The following SBF2 variants were observed in gnomAD, a reference collection of about 807,000 sequenced individuals.
SBF2 encodes the protein myotubularin-related protein 13.
Under a neutral mutation model 225.2 loss-of-function variants are expected in SBF2, and 112 were observed. The ratio of observed to expected loss-of-function variants is 0.50; its 90% confidence interval spans 0.43 to 0.58. The LOEUF (loss-of-function observed/expected upper bound fraction) is 0.58, where lower values mean the gene tolerates loss of function less well. SBF2 is among the 20% of genes least tolerant of loss of function. The pLI is 0.00. For missense variants in SBF2, 1,996 were observed against 2,206.2 expected, an observed-to-expected ratio of 0.90 and a Z score of 1.91; for synonymous variants, 763 against 773.3, an observed-to-expected ratio of 0.99 and a Z score of 0.22.
chr11:9,891,176 G>T (rs908587042), intron 17 of SBF2, among the ~76,000 whole-genome samples: 1 of 151,962 alleles, frequency 6.6e-6, no homozygotes, highest in African/African-American at 2.4e-5. Context: ...GTGGTGAAGG[G>T]GCCATGACTT....
intron 13 of SBF2, among the ~76,000 whole-genome samples, chr11:9,974,269 T>C (rs1946577798): frequency 6.6e-6 from 1 of 152,178 alleles, no homozygotes; most frequent in South Asian, 2.1e-4. Flanking sequence ...TATGCACTAA[T>C]TGACATTTGG....
In SBF2 at chr11:10,002,537, T is replaced by C. The variant is rs749999630; in HGVS notation, c.752+20A>G. 3.8e-6 allele frequency: 6 copies of C among 1,585,432 alleles called. No individual in the cohort carries two copies. The highest frequency in any genetic ancestry group is 3.3e-5 in the Admixed American group (2 of 59,712). ...ATATGTAGTTTAGGAATAAATAAAA[T>C]TAACAAATGAAAACCTCACCTATAT... is the stretch of plus-strand genomic sequence containing the variant. On this transcript the variant is annotated intron_variant, in intron 7 of 39. Transcript: ENST00000256190.
chr11:10,002,708 G>A lies in SBF2; in HGVS notation c.620-19C>T. Reference sequence around the variant, plus strand: ...TGAATTCCTGAAAACATAAGAGCAAGGACTTACAAATGCATTTAATTTTAT... The same window carrying A: ...TGAATTCCTGAAAACATAAGAGCAAAGACTTACAAATGCATTTAATTTTAT... On this transcript the variant is annotated intron_variant, in intron 6 of 39. Coordinates refer to ENST00000256190, the MANE Select transcript of SBF2 (RefSeq NM_030962.4). 2 of 1,610,926 alleles carry A rather than the reference G, an allele frequency of 1.2e-6. No individual in the cohort carries two copies. Among genetic ancestry groups the A allele is most frequent in the Admixed American group, 1.7e-5 (1 of 59,998 alleles).
chr11:9,844,723 T>C (rs994000349), intron 24 of SBF2, among the ~76,000 whole-genome samples: 5 of 152,086 alleles, frequency 3.3e-5, no homozygotes, highest in African/African-American at 1.2e-4. Context: ...CTGGCTTTGA[T>C]TACTGTGCTT....
intron 2 of SBF2, among the ~76,000 whole-genome samples, chr11:10,186,779 C>A (rs1268596066): frequency 6.6e-6 from 1 of 152,190 alleles, no homozygotes; most frequent in African/African-American, 2.4e-5. Flanking sequence ...GGCCTCTCAA[C>A]CCAAGAGCCA....
chr11:10,044,963 G>C (rs1949795500), intron 2 of SBF2, among the ~76,000 whole-genome samples: 1 of 152,136 alleles, frequency 6.6e-6, no homozygotes, highest in South Asian at 2.1e-4. Context: ...ACAACCACTA[G>C]ACTGGGAAGC....
chr11:9,918,544 T>A (rs1341301848), intron 16 of SBF2, among the ~76,000 whole-genome samples: 1 of 151,858 alleles, frequency 6.6e-6, no homozygotes, highest in Non-Finnish European at 1.5e-5. Flanking sequence ...GTATTTTATT[T>A]ATTTTTTTGC....
At chr11:10,146,435 A>C (rs1278822086) in intron 2 of SBF2, among the ~76,000 whole-genome samples, 1 of 151,878 alleles carries the variant, frequency 6.6e-6, no homozygotes, top group Non-Finnish European at 1.5e-5. Flanking sequence ...ACAATCATCC[A>C]ATCTTGAACA....
chr11:9,963,858 G>T lies in SBF2; in HGVS notation c.1625C>A (p.Thr542Lys). 2 of 1,604,360 alleles carry T rather than the reference G, an allele frequency of 1.2e-6. No individual in the cohort carries two copies. Among genetic ancestry groups the T allele is most frequent in the African/African-American group, 2.7e-5 (2 of 74,840 alleles). ...TAGTCTTTGTGCACTGTTGAAAACT[G>T]TCGTCACCTTGTCCATTATCGAAAC... ...PVVSIMDKVT[T>K]VFNSAQRLEV... Residue 542 changes from threonine (T) to lysine (K), a missense_variant, in exon 15 of 40, where the codon ACA (threonine) becomes AAA (lysine). Transcript: ENST00000256190.
intron 19 of SBF2, 71 bp from the exon 20 acceptor site, chr11:9,853,783 T>TTG: frequency 2.2e-6 from 3 of 1,377,724 alleles, no homozygotes; most frequent in Non-Finnish European, 3.1e-6. Flanking sequence ...TAGTAGTCAA[T>TTG]TTACATAGCG....
intron 1 of SBF2, among the ~76,000 whole-genome samples, chr11:10,196,270 T>C (rs1043794686): frequency 1.3e-5 from 2 of 152,236 alleles, no homozygotes; most frequent in Non-Finnish European, 2.9e-5. Context: ...CCTCCCTTCT[T>C]TTTAAAGAGA....
At chr11:10,287,664 T>G (rs1243009214) in intron 1 of SBF2, among the ~76,000 whole-genome samples, 1 of 152,240 alleles carries the variant, frequency 6.6e-6, no homozygotes, top group African/African-American at 2.4e-5. Flanking sequence ...AGAGTAAATT[T>G]TATTGCATGT....
intron 1 of SBF2, among the ~76,000 whole-genome samples, chr11:10,218,875 TC>T (rs1026111150): frequency 6.6e-6 from 1 of 152,222 alleles, no homozygotes; most frequent in African/African-American, 2.4e-5. Flanking sequence ...AGAGGTGGGC[TC>T]CCACAGCCCT....
intron 1 of SBF2, among the ~76,000 whole-genome samples, chr11:10,206,871 CCA>C (rs1957770042): frequency 6.6e-6 from 1 of 151,918 alleles, no homozygotes; most frequent in Admixed American, 6.6e-5. Context: ...AACAAAAGAT[CCA>C]CTATTCATAT....
Position 10,272,259 on chromosome 11 carries a change from T to G in SBF2, c.55+21756A>C. ...GCGCTCGCGCTAGCCCCGGAGGACATGGCGGCGGCGCTGGGCTCCTAGGGG... is the reference window on the plus strand; with the variant it reads ...GCGCTCGCGCTAGCCCCGGAGGACAGGGCGGCGGCGCTGGGCTCCTAGGGG... On this transcript the variant is annotated intron_variant, in intron 1 of 39. Transcript: ENST00000256190. 2 of 1,036,288 alleles carry G rather than the reference T, an allele frequency of 1.9e-6. 1 individual carries two copies. Among genetic ancestry groups the G allele is most frequent in the Non-Finnish European group, 2.6e-6 (2 of 760,902 alleles). The allele number at this position is 1,036,288 out of a possible 1,614,324, so 64.2% of individuals were successfully genotyped here. A position where few individuals can be genotyped will look rare whatever the true frequency, so the allele number is the denominator to read the frequency against.
intron 8 of SBF2, among the ~76,000 whole-genome samples, chr11:9,999,279 C>CTGTATGTATGTA (rs3073236): frequency 6.8e-5 from 10 of 146,756 alleles, no homozygotes; most frequent in African/African-American, 1.0e-4. Context: ...CCTCCAGTGA[C>CTGTATGTATGTA]TGTATGTATG....
At chr11:10,216,586 A>C (rs1474397363) in intron 1 of SBF2, among the ~76,000 whole-genome samples, 1 of 152,218 alleles carries the variant, frequency 6.6e-6, no homozygotes, top group Non-Finnish European at 1.5e-5. Flanking sequence ...AAGTAAAAAG[A>C]GGGCTGGGTG....
intron 17 of SBF2, among the ~76,000 whole-genome samples, chr11:9,870,146 A>G (rs572022172): frequency 6.6e-6 from 1 of 152,368 alleles, no homozygotes; most frequent in Non-Finnish European, 1.5e-5. Context: ...AAAGCTAACA[A>G]GGCAAGTGAA....
chr11:9,909,410 GC>G (rs1272663780), intron 16 of SBF2, among the ~76,000 whole-genome samples: 1 of 151,848 alleles, frequency 6.6e-6, no homozygotes, highest in African/African-American at 2.4e-5. Context: ...GGTGGCTTAC[GC>G]CTGTAATCCC....
Sources: gnomAD v4.1 joint callset for allele counts (sites outside exome capture counted in the v4.1 genomes callset) on GRCh38, gnomAD v4.1.1 for gene constraint, MANE v1.5 for transcripts, NCBI Gene and HGNC (gene_info 2026-07-23, HGNC 2026-07-21) for gene names.